The following KCNK9 variants were observed in gnomAD, a reference collection of about 807,000 sequenced individuals.
The protein encoded by KCNK9 is potassium two pore domain channel subfamily K member 9.
KCNK9 carries 1 observed loss-of-function variant against 10.8 expected under a neutral mutation model. The ratio of observed to expected loss-of-function variants is 0.09; its 90% confidence interval spans 0.03 to 0.44. The LOEUF (loss-of-function observed/expected upper bound fraction) is 0.44. Among genes scored for constraint, KCNK9 ranks in the 20% least tolerant of loss-of-function variants. The probability of loss-of-function intolerance (pLI) is 0.97; values close to 1 mark genes in which losing one functional copy is unlikely to be tolerated. For synonymous variants in KCNK9, 231 were observed against 222.7 expected (o/e 1.04, Z -0.33); for missense variants, 303 against 515.0 (o/e 0.59, Z 3.98).
intron 1 of KCNK9, among the ~76,000 whole-genome samples, chr8:139,669,899 C>A (rs1563744311): frequency 6.6e-6 from 1 of 152,214 alleles, no homozygotes; most frequent in Non-Finnish European, 1.5e-5. Flanking sequence ...AATCCATGGG[C>A]TGCAGAAAGG....
chr8:139,678,031 G>A (rs988809909), intron 1 of KCNK9, among the ~76,000 whole-genome samples: 10 of 152,208 alleles, frequency 6.6e-5, no homozygotes, highest in Non-Finnish European at 1.0e-4. Context: ...TCGCATCCCA[G>A]CCCCACAGCC....
intron 1 of KCNK9, among the ~76,000 whole-genome samples, chr8:139,647,235 AAGGTC>A (rs1270461744): frequency 1.3e-5 from 2 of 152,176 alleles, no homozygotes; most frequent in Non-Finnish European, 2.9e-5. Flanking sequence ...AGAAGCTCTG[AAGGTC>A]CCAGGCTCCC....
In KCNK9 at chr8:139,703,089, T is replaced by TCCG. The variant is rs961880645; in HGVS notation, c.-100_-98dup. 20 of 1,071,700 alleles carry TCCG rather than the reference T, an allele frequency of 1.9e-5. No individual in the cohort carries two copies. Among genetic ancestry groups the TCCG allele is most frequent in the East Asian group, 7.3e-5 (2 of 27,412 alleles). 66.4% of individuals were successfully genotyped at this position (1,071,700 alleles called of 1,614,324 possible). ...CCCGGCGGCCGCCGCCGCCTCCTCC[T>TCCG]CCGCCGCCGCCGCCGCCGCCTCCAA... On this transcript the variant is annotated 5_prime_UTR_variant, in exon 1 of 2. Transcript: ENST00000520439. The surrounding 1 kb of genome is among the most constrained non-coding windows in gnomAD (Gnocchi z 6.4).
chr8:139,681,572 A>G (rs1816688839), intron 1 of KCNK9, among the ~76,000 whole-genome samples: 2 of 152,150 alleles, frequency 1.3e-5, no homozygotes, highest in Non-Finnish European at 2.9e-5. Flanking sequence ...AGTGCTTGGG[A>G]GCTGGAACAA....
intron 1 of KCNK9, among the ~76,000 whole-genome samples, chr8:139,646,216 T>C (rs1050802409): frequency 6.6e-6 from 1 of 152,204 alleles, no homozygotes; most frequent in Non-Finnish European, 1.5e-5. Flanking sequence ...CAGGAAACAC[T>C]GTGGGCATCA....
chr8:139,616,271 T>TCTC (rs1367639290), downstream of KCNK9: 15 of 152,066 alleles, frequency 9.9e-5, no homozygotes, highest in African/African-American at 3.4e-4. Context: ...GAGTCAACAA[T>TCTC]CTCATCCAAG....
At chr8:139,668,500 C>A (rs923413095) in intron 1 of KCNK9, among the ~76,000 whole-genome samples, 21 of 150,822 alleles carry the variant, frequency 1.4e-4, no homozygotes, top group Non-Finnish European at 2.5e-4. Flanking sequence ...TGGCTCACTG[C>A]AACCTCTGCC....
Position 139,617,964 on chromosome 8 carries a change from G to T in KCNK9, c.*294C>A. On this transcript the variant is annotated 3_prime_UTR_variant, in exon 2 of 2. Coordinates refer to ENST00000520439, the MANE Select transcript of KCNK9 (RefSeq NM_001282534.2). ...GGAAAACCACTGCAGAGATGATGGGGTGGGTGGGGTGAGAAATGTAAGGCA... is the reference window on the plus strand; with the variant it reads ...GGAAAACCACTGCAGAGATGATGGGTTGGGTGGGGTGAGAAATGTAAGGCA... 2.4e-6 allele frequency: 1 copy of T among 418,006 alleles called. No homozygotes were observed. Among genetic ancestry groups the T allele is most frequent in the Non-Finnish European group, 4.4e-6 (1 of 226,294 alleles). 25.9% of individuals were successfully genotyped at this position (418,006 alleles called of 1,614,324 possible).
chr8:139,677,801 T>TTG (rs1243444158), intron 1 of KCNK9, among the ~76,000 whole-genome samples: 2 of 147,180 alleles, frequency 1.4e-5, no homozygotes, highest in South Asian at 2.1e-4. Flanking sequence ...GAGTAATACC[T>TTG]CACCTCCCAG....
At chr8:139,668,802 T>C (rs1172603910) in intron 1 of KCNK9, among the ~76,000 whole-genome samples, 1 of 152,218 alleles carries the variant, frequency 6.6e-6, no homozygotes, top group Non-Finnish European at 1.5e-5. Flanking sequence ...TTTCTCGTGG[T>C]GATCTTGAAC....
chr8:139,688,963 G>A (rs2129788218), intron 1 of KCNK9, among the ~76,000 whole-genome samples: 1 of 152,188 alleles, frequency 6.6e-6, no homozygotes, highest in East Asian at 1.9e-4. Context: ...CAGGACCTCT[G>A]GATGTAACTG....
chr8:139,620,914 G>T (rs975665172), intron 1 of KCNK9, among the ~76,000 whole-genome samples: 2 of 152,182 alleles, frequency 1.3e-5, no homozygotes, highest in Admixed American at 6.5e-5. Context: ...AGCCTGGGGG[G>T]AGCTGTAGGG....
At chr8:139,687,605 CATATGTATACAT>C (rs1307326550) in intron 1 of KCNK9, among the ~76,000 whole-genome samples, 1 of 38,590 alleles carries the variant, frequency 2.6e-5, no homozygotes, top group Non-Finnish European at 5.6e-5. Flanking sequence ...CATATGTATA[CATATGTATACAT>C]ATATATTCAT....
chr8:139,696,974 T>G (rs1586699559), intron 1 of KCNK9, among the ~76,000 whole-genome samples: 4 of 134,894 alleles, frequency 3.0e-5, no homozygotes, highest in African/African-American at 8.6e-5. Context: ...GATGGATGGG[T>G]GGGTGGGTAG....
chr8:139,674,069 A>T (rs1816495366), intron 1 of KCNK9, among the ~76,000 whole-genome samples: 1 of 152,206 alleles, frequency 6.6e-6, no homozygotes, highest in Admixed American at 6.5e-5. Context: ...TCCAACAGCC[A>T]ACCCACGTGG....
intron 1 of KCNK9, among the ~76,000 whole-genome samples, chr8:139,663,062 A>G (rs919673455): frequency 4.7e-4 from 71 of 152,120 alleles, no homozygotes; most frequent in African/African-American, 1.6e-3. Flanking sequence ...CTCAGAGTCC[A>G]TGGCATCTCC....
chr8:139,659,556 G>C lies in KCNK9; in HGVS notation c.284-40457C>G, dbSNP rs572645981. 1.8e-3 allele frequency among the ~76,000 whole-genome samples: 279 copies of C among 152,286 alleles called. No homozygotes were observed. The Middle Eastern group carries it at 0.02, about 11-fold the overall frequency. ...AGACGGAGTCTCGCTCTGTCACCCA[G>C]GCTGGAGTGCAATGGCACAATCTCG... is the stretch of plus-strand genomic sequence containing the variant. On this transcript the variant is annotated intron_variant, in intron 1 of 1. Transcript: ENST00000520439.
At chr8:139,660,447 A>ATAT (rs34791987) in intron 1 of KCNK9, among the ~76,000 whole-genome samples, 12,477 of 128,118 alleles carry the variant, frequency 0.097, 673 homozygotes, top group Non-Finnish European at 0.12. Flanking sequence ...CTGCTAAAAA[A>ATAT]AAATATATAT....
rs553073698 is a variant in KCNK9 at position 139,617,583 on chromosome 8, A to G, written c.*675T>C. ...CTAGCATTTAGAAAATATGGCCATG[A>G]CACATCAGGGATAAGAACTGCTTAA... On this transcript the variant is annotated 3_prime_UTR_variant, in exon 2 of 2. Coordinates refer to ENST00000520439, the MANE Select transcript of KCNK9 (RefSeq NM_001282534.2). Among the ~76,000 whole-genome samples the G allele has an allele frequency of 6.6e-6, 1 of 152,298 alleles. No homozygotes were observed. The highest frequency in any genetic ancestry group is 2.1e-4 in the South Asian group (1 of 4,826).
Sources: gnomAD v4.1 joint callset for allele counts (sites outside exome capture counted in the v4.1 genomes callset) on GRCh38, gnomAD v4.1.1 for gene constraint, Gnocchi (gnomAD v3.1) non-coding constraint, MANE v1.5 for transcripts, NCBI Gene and HGNC (gene_info 2026-07-23, HGNC 2026-07-21) for gene names.